The following PSEN1 variants were observed in gnomAD, a reference collection of about 807,000 sequenced individuals.
PSEN1 encodes presenilin-1.
A neutral mutation model predicts 53.5 loss-of-function variants in PSEN1; 15 were observed. The observed-to-expected ratio is 0.28, with a 90% confidence interval of 0.19 to 0.43. The LOEUF (loss-of-function observed/expected upper bound fraction) is 0.43. Ranked by LOEUF, PSEN1 falls within the 20% of genes least tolerant of loss-of-function variation. The pLI, the probability that PSEN1 is intolerant of heterozygous loss-of-function variation, is 1.00. For missense variants in PSEN1, 387 were observed against 571.2 expected (o/e 0.68, Z 3.29); for synonymous variants, 208 against 209.8 (o/e 0.99, Z 0.08).
chr14:73,162,882 G>GTA (rs1897594618), intron 3 of PSEN1, among the ~76,000 whole-genome samples: 2 of 152,104 alleles, frequency 1.3e-5, no homozygotes, highest in Non-Finnish European at 2.9e-5. Flanking sequence ...AGGAAACTAG[G>GTA]TATATATTAA....
At chr14:73,162,439 G>A (rs905626308) in intron 3 of PSEN1, among the ~76,000 whole-genome samples, 6 of 142,424 alleles carry the variant, frequency 4.2e-5, no homozygotes, top group Middle Eastern at 3.8e-3. Flanking sequence ...TCTCTCGCTC[G>A]CTCGCGCGCT....
chr14:73,163,575 CAG>C (rs1897621446), intron 3 of PSEN1, among the ~76,000 whole-genome samples: 1 of 152,182 alleles, frequency 6.6e-6, no homozygotes, highest in African/African-American at 2.4e-5. Context: ...AAGTGACAAA[CAG>C]GAGCTACATC....
Position 73,162,447 on chromosome 14 carries a change from G to A in PSEN1, c.88-8350G>A, listed in dbSNP as rs983703963. Among the ~76,000 whole-genome samples the A allele has an allele frequency of 5.1e-4, 75 of 146,028 alleles. 7 individuals carry two copies. Among genetic ancestry groups the A allele is most frequent in the African/African-American group, 5.0e-5 (2 of 39,782 alleles). The stretch of plus-strand genomic sequence containing the variant: ...CGTTCTCTCTCTCGCTCGCTCGCGC[G>A]CTCTCTCTCTCTCTCTCCATGAGAA... On this transcript the variant is annotated intron_variant, in intron 3 of 11. Transcript: ENST00000324501.
In PSEN1 at chr14:73,170,851, G is replaced by A. The variant is rs1377702483; in HGVS notation, c.142G>A (p.Glu48Lys). 5 of 1,614,072 alleles carry A rather than the reference G, an allele frequency of 3.1e-6. No homozygotes were observed. Among genetic ancestry groups the A allele is most frequent in the African/African-American group, 2.7e-5 (2 of 74,928 alleles). Residue 48 changes from glutamate to lysine, a missense_variant, in exon 4 of 12, where the codon GAG becomes AAG. Glu to Lys is a moderately conservative substitution (Grantham distance 56). This residue lies in a region of PSEN1 where 99 missense variants were observed against 101.5 expected (regional missense o/e 0.98). Coordinates refer to ENST00000324501, the MANE Select transcript of PSEN1 (RefSeq NM_000021.4). ...HNDRRSLGHP[E>K]PLSNGRPQGN... ...CGACAGACGGAGCCTTGGCCACCCT[G>A]AGCCATTATCTAATGGACGACCCCA...
intron 5 of PSEN1, among the ~76,000 whole-genome samples, chr14:73,184,766 G>A (rs1375402388): frequency 2.8e-4 from 33 of 116,790 alleles, no homozygotes; most frequent in South Asian, 9.4e-4. Flanking sequence ...CCTCCCTCCC[G>A]GACGGGGTGG....
intron 9 of PSEN1, chr14:73,209,007 T>A (rs1899569227): frequency 2.5e-6 from 1 of 400,076 alleles, no homozygotes. Context: ...GGCTGGCATG[T>A]CAGTGCTGCC....
rs972765714 is a variant in PSEN1, at chr14:73,215,366, C to T, written c.1130-1760C>T. On this transcript the variant is annotated intron_variant, in intron 10 of 11. Coordinates refer to ENST00000324501, the MANE Select transcript of PSEN1 (RefSeq NM_000021.4). Reference sequence around the variant, plus strand: ...TGGGAGACCAAGGTTGGTGGATCACCTGAGGTTTGGAGTTTGAGACCAGCC... The same window carrying T: ...TGGGAGACCAAGGTTGGTGGATCACTTGAGGTTTGGAGTTTGAGACCAGCC... Among the ~76,000 whole-genome samples the T allele has an allele frequency of 2.6e-5, 4 of 151,504 alleles. No individual in the cohort carries two copies. The South Asian group carries it at 8.4e-4, about 32-fold the overall frequency.
chr14:73,136,629 T>A (rs1193705167), intron 1 of PSEN1, 46 bp downstream of exon 1: 1 of 150,898 alleles, frequency 6.6e-6, no homozygotes, highest in Non-Finnish European at 1.5e-5. Flanking sequence ...ACCGCGGACA[T>A]GGGCGGCCGC....
intron 7 of PSEN1, among the ~76,000 whole-genome samples, chr14:73,195,280 C>G (rs1898894754): frequency 6.6e-6 from 1 of 152,142 alleles, no homozygotes; most frequent in African/African-American, 2.4e-5. Flanking sequence ...TCAAGCGATT[C>G]TCCTGCCTCA....
intron 8 of PSEN1, among the ~76,000 whole-genome samples, chr14:73,199,937 C>T (rs529182430): frequency 3.9e-5 from 6 of 151,956 alleles, no homozygotes; most frequent in East Asian, 1.9e-4. Flanking sequence ...AGTGGAGACA[C>T]GGTTTCACCA....
chr14:73,186,103 C>G (rs1446999206), intron 5 of PSEN1, among the ~76,000 whole-genome samples: 1 of 152,122 alleles, frequency 6.6e-6, no homozygotes, highest in East Asian at 1.9e-4. Flanking sequence ...CAAATGTTGG[C>G]TAGGTGCGGT....
chr14:73,196,473 A>C (rs1421766126), intron 7 of PSEN1, among the ~76,000 whole-genome samples: 3 of 143,022 alleles, frequency 2.1e-5, no homozygotes, highest in African/African-American at 5.3e-5. Context: ...TGAGGCATGA[A>C]ATTTTTTTTT....
intron 1 of PSEN1, among the ~76,000 whole-genome samples, chr14:73,141,316 G>GA (rs146373308): frequency 0.031 from 4,384 of 143,670 alleles, 184 homozygotes; most frequent in African/African-American, 0.087. Flanking sequence ...GATGGAAGGA[G>GA]AAAAAAAAAA....
intron 3 of PSEN1, among the ~76,000 whole-genome samples, chr14:73,154,108 C>T (rs1320116519): frequency 6.6e-6 from 1 of 151,888 alleles, no homozygotes; most frequent in Non-Finnish European, 1.5e-5. Flanking sequence ...ACATTATAAC[C>T]ACGTAGGCAT....
chr14:73,146,818 G>A (rs952801677), intron 1 of PSEN1, among the ~76,000 whole-genome samples: 6 of 152,184 alleles, frequency 3.9e-5, no homozygotes, highest in Admixed American at 6.5e-5. Flanking sequence ...ATTAATTAGC[G>A]TTAGGTATGT....
intron 5 of PSEN1, among the ~76,000 whole-genome samples, chr14:73,182,507 TAA>T (rs924149870): frequency 6.8e-6 from 1 of 147,756 alleles, no homozygotes; most frequent in African/African-American, 2.5e-5. Context: ...AAAAAATAAT[TAA>T]AAAAAAAATA....
At position 73,206,425 on chromosome 14, in the gene PSEN1, C is replaced by T. The variant is rs147638016; in HGVS notation, c.908C>T (p.Pro303Leu). The stretch of plus-strand genomic sequence containing the variant: ...TTGGTGAATATGGCAGAAGGAGACC[C>T]GGAAGCTCAAAGGAGAGTATCCAAA... ...VWLVNMAEGD[P>L]EAQRRVSKNS... The change falls in exon 9 of 12, where the codon CCG (proline) becomes CTG (leucine). Residue 303 changes from proline (P) to leucine (L), a missense_variant. Physicochemically the swap from Pro to Leu is moderately conservative, Grantham distance 98. Transcript: ENST00000324501. 11 of 1,613,962 alleles carry T rather than the reference C, an allele frequency of 6.8e-6. No individual in the cohort carries two copies. Among genetic ancestry groups the T allele is most frequent in the East Asian group, 2.2e-5 (1 of 44,864 alleles).
At chr14:73,163,930 T>TA (rs774839177) in intron 3 of PSEN1, among the ~76,000 whole-genome samples, 4,762 of 147,302 alleles carry the variant, frequency 0.032, 233 homozygotes, top group African/African-American at 0.11. Flanking sequence ...TCATTTTGTT[T>TA]AAAAAAAAAA....
chr14:73,164,322 C>T (rs976526852), intron 3 of PSEN1, among the ~76,000 whole-genome samples: 7 of 152,010 alleles, frequency 4.6e-5, no homozygotes, highest in Non-Finnish European at 7.3e-5. Flanking sequence ...TCCATAGTGC[C>T]GACGATTTTC....
Sources: allele counts gnomAD v4.1 joint callset (sites outside exome capture counted in the v4.1 genomes callset), GRCh38; gene constraint gnomAD v4.1.1; regional missense constraint gnomAD v4.1.1; transcripts MANE v1.5; gene names NCBI Gene and HGNC (gene_info 2026-07-23, HGNC 2026-07-21).